The following KLF8 variants were observed in gnomAD, a reference collection of about 807,000 sequenced individuals.
The protein encoded by KLF8 is KLF transcription factor 8.
A neutral mutation model predicts 18.2 loss-of-function variants in KLF8; 10 were observed. The ratio of observed to expected loss-of-function variants is 0.55; its 90% CI spans 0.34 to 0.93. The LOEUF (loss-of-function observed/expected upper bound fraction) is 0.93. KLF8 is among the 40% of genes least tolerant of loss of function. The probability of loss-of-function intolerance (pLI) is 0.02; values close to 1 mark genes in which losing one functional copy is unlikely to be tolerated. For missense variants in KLF8, 264 were observed against 277.9 expected (o/e 0.95, Z 0.36); for synonymous variants, 109 against 97.3 (o/e 1.12, Z -0.71).
the KLF8 span, among the ~76,000 whole-genome samples, chrX:56,215,968 C>T: frequency 2.0e-3 from 209 of 104,425 alleles, no homozygotes; most frequent in African/African-American, 7.1e-3. Flanking sequence ...TTATAATATT[C>T]CCTCCCCAAA....
the KLF8 span, among the ~76,000 whole-genome samples, chrX:56,219,294 A>C: frequency 4.5e-5 from 5 of 112,055 alleles, no homozygotes; most frequent in Admixed American, 9.5e-5. Flanking sequence ...GTGATAGTCC[A>C]TGAAAGAAAC....
At chrX:56,186,586 C>T in the KLF8 span, among the ~76,000 whole-genome samples, 3 of 111,510 alleles carry the variant, frequency 2.7e-5, no homozygotes, top group Admixed American at 9.6e-5. Context: ...CTTTTCAGCA[C>T]CACACCACAC....
chrX:56,176,201 T>A, the KLF8 span, among the ~76,000 whole-genome samples: 5,677 of 111,928 alleles, frequency 0.051, 366 homozygotes, highest in African/African-American at 0.18. Flanking sequence ...CTAGCCTCCA[T>A]GGTCTTTACA....
At chrX:56,213,761 A>G in the KLF8 span, among the ~76,000 whole-genome samples, 1 of 110,804 alleles carries the variant, frequency 9.0e-6, no homozygotes, top group African/African-American at 3.3e-5. Context: ...TACAGTCAGC[A>G]CTCTTTTAGC....
the KLF8 span, among the ~76,000 whole-genome samples, chrX:56,078,865 T>C: frequency 9.2e-6 from 1 of 108,116 alleles, no homozygotes; most frequent in African/African-American, 3.3e-5. Flanking sequence ...CCTGGTTTAG[T>C]CTTGGGAGAG....
the KLF8 span, among the ~76,000 whole-genome samples, chrX:56,103,280 G>A: frequency 9.0e-6 from 1 of 110,896 alleles, no homozygotes; most frequent in Non-Finnish European, 1.9e-5. Context: ...GGATAGCATT[G>A]AATCTATAAA....
the KLF8 span, among the ~76,000 whole-genome samples, chrX:56,205,140 A>T: frequency 9.0e-6 from 1 of 111,302 alleles, no homozygotes; most frequent in Admixed American, 9.6e-5. Flanking sequence ...ATTCACTGGA[A>T]CAATTCTCCT....
chrX:56,023,647 CT>C, the KLF8 span, among the ~76,000 whole-genome samples: 980 of 104,831 alleles, frequency 9.3e-3, 6 homozygotes, highest in Non-Finnish European at 0.014. Context: ...GGTATTCATA[CT>C]TTTTTTTTTT....
the KLF8 span, among the ~76,000 whole-genome samples, chrX:56,077,602 T>C: frequency 8.9e-6 from 1 of 112,017 alleles, no homozygotes; most frequent in South Asian, 3.7e-4. Flanking sequence ...TTCTGTTGGC[T>C]TAGGATTGAC....
the KLF8 span, among the ~76,000 whole-genome samples, chrX:56,114,798 G>A: frequency 8.9e-6 from 1 of 112,358 alleles, no homozygotes; most frequent in African/African-American, 3.2e-5. Context: ...GGAGTGGTAG[G>A]AAAAAGCATT....
chrX:56,188,666 A>G, the KLF8 span, among the ~76,000 whole-genome samples: 3 of 112,007 alleles, frequency 2.7e-5, no homozygotes, highest in African/African-American at 9.7e-5. Context: ...TGGTACCAAA[A>G]CAGACATATA....
At chrX:56,082,289 A>G in the KLF8 span, among the ~76,000 whole-genome samples, 2 of 111,105 alleles carry the variant, frequency 1.8e-5, no homozygotes, top group Non-Finnish European at 3.8e-5. Flanking sequence ...GTTTCTGTAA[A>G]ATTGCTAATT....
At chrX:56,171,317 T>A in the KLF8 span, among the ~76,000 whole-genome samples, 2 of 112,067 alleles carry the variant, frequency 1.8e-5, no homozygotes, top group Admixed American at 1.9e-4. Context: ...TTTTGATTAT[T>A]TTCTTTTTAT....
chrX:56,159,069 C>T, the KLF8 span, among the ~76,000 whole-genome samples: 3 of 111,808 alleles, frequency 2.7e-5, no homozygotes, highest in Non-Finnish European at 5.6e-5. Context: ...CCATCAATAC[C>T]TAATTTATTG....
chrX:56,119,289 C>T, the KLF8 span, among the ~76,000 whole-genome samples: 1 of 111,058 alleles, frequency 9.0e-6, no homozygotes, highest in Non-Finnish European at 1.9e-5. Flanking sequence ...GAAAAGGTTG[C>T]CTCTGTCTTT....
At chrX:56,195,475 AG>A in the KLF8 span, among the ~76,000 whole-genome samples, 1 of 112,116 alleles carries the variant, frequency 8.9e-6, no homozygotes, top group African/African-American at 3.2e-5. Context: ...AGTGGAAGAA[AG>A]GGTATCAGTG....
the KLF8 span, among the ~76,000 whole-genome samples, chrX:55,938,377 CT>C: frequency 9.0e-6 from 1 of 111,443 alleles, no homozygotes; most frequent in East Asian, 2.8e-4. Context: ...GAAGGAAGCA[CT>C]AAACATGGAA....
At chrX:56,226,849 T>C in the KLF8 span, among the ~76,000 whole-genome samples, 2 of 112,216 alleles carry the variant, frequency 1.8e-5, no homozygotes, top group East Asian at 5.5e-4. Context: ...GAGAAGGGAA[T>C]ATCCTGTTAT....
chrX:56,190,278 A>G, the KLF8 span, among the ~76,000 whole-genome samples: 5 of 111,086 alleles, frequency 4.5e-5, no homozygotes, highest in East Asian at 8.5e-4. Flanking sequence ...GAGCAAGAGT[A>G]TATAACAATT....
Sources: gnomAD v4.1 joint callset for allele counts (sites outside exome capture counted in the v4.1 genomes callset) on GRCh38, gnomAD v4.1.1 for gene constraint, MANE v1.5 for transcripts, NCBI Gene and HGNC (gene_info 2026-07-23, HGNC 2026-07-21) for gene names.